The following PRDX1 variants were observed in gnomAD, a reference collection of about 807,000 sequenced individuals.
PRDX1 encodes peroxiredoxin 1, also known as peroxiredoxin-1.
A neutral mutation model predicts 20.7 loss-of-function variants in PRDX1; 19 were observed. The ratio of observed to expected loss-of-function variants is 0.92; its 90% CI spans 0.64 to 1.35. The LOEUF is 1.35. Ranked by LOEUF, PRDX1 falls within the 40% of genes most tolerant of loss-of-function variation. The pLI is 0.00. For missense variants in PRDX1, 226 were observed against 240.0 expected (o/e 0.94, Z 0.38); for synonymous variants, 89 against 83.9 (o/e 1.06, Z -0.33).
In PRDX1 at chr1:45,511,256, GA is replaced by G. The variant is rs878921294; in HGVS notation, c.*72del. 4.2e-3 allele frequency: 4,854 copies of G among 1,163,454 alleles called. No homozygotes were observed. Among genetic ancestry groups the G allele is most frequent in the South Asian group, 6.8e-3 (423 of 62,540 alleles). 72.1% of individuals were successfully genotyped at this position (1,163,454 alleles called of 1,614,324 possible). A position where few individuals can be genotyped will look rare whatever the true frequency, so the allele number is the denominator to read the frequency against. Reference sequence around the variant, plus strand: ...TCTGAAGTCTTGTGTTTTACTAATGGAAAAAAAAAATACAGAAGAGGTTTTG... The same window carrying G: ...TCTGAAGTCTTGTGTTTTACTAATGGAAAAAAAAATACAGAAGAGGTTTTG... On this transcript the variant is annotated 3_prime_UTR_variant, in exon 6 of 6. Transcript: ENST00000319248.
intron 5 of PRDX1, 129 bp from the exon 6 acceptor site, chr1:45,511,543 G>T: frequency 1.6e-6 from 1 of 613,204 alleles, no homozygotes. Flanking sequence ...ATCAGTCTTA[G>T]ATCATTCACC....
At chr1:45,518,140 G>A (rs1643877015) in intron 2 of PRDX1, among the ~76,000 whole-genome samples, 1 of 152,110 alleles carries the variant, frequency 6.6e-6, no homozygotes, top group African/African-American at 2.4e-5. Context: ...AGACCAGCCT[G>A]GGCAACATGG....
Position 45,511,202 on chromosome 1 carries a change from G to T in PRDX1, c.*127C>A. 1 of 811,418 alleles carries T rather than the reference G, an allele frequency of 1.2e-6. No homozygotes were observed. Among genetic ancestry groups the T allele is most frequent in the Non-Finnish European group, 1.9e-6 (1 of 512,820 alleles). 50.3% of individuals were successfully genotyped at this position (811,418 alleles called of 1,614,324 possible). ...TCTCCACCCCCTGTAGGAAAGGCCT[G>T]CCTTGTAAGACACCACAATTCGGCT... On this transcript the variant is annotated 3_prime_UTR_variant, in exon 6 of 6. Coordinates refer to ENST00000319248, the MANE Select transcript of PRDX1 (RefSeq NM_181697.3).
chr1:45,516,969 T>C (rs1643867259), intron 2 of PRDX1, among the ~76,000 whole-genome samples: 1 of 145,642 alleles, frequency 6.9e-6, no homozygotes, highest in Non-Finnish European at 1.5e-5. Flanking sequence ...CGCAGTGACC[T>C]GAGATCATGC....
At chr1:45,514,432 A>G in intron 5 of PRDX1, 75 bp downstream of exon 5, 1 of 1,541,716 alleles carries the variant, frequency 6.5e-7, no homozygotes, top group East Asian at 2.3e-5. Flanking sequence ...AACGAGAAAC[A>G]CCCACAGGTG....
At chr1:45,521,961 G>A (rs1643918924), upstream of PRDX1, 1 of 152,334 alleles carries the variant, frequency 6.6e-6, no homozygotes. Flanking sequence ...GGTGCCGGAG[G>A]AGGAGAGAGA....
At chr1:45,513,910 G>T (rs1317678286) in intron 5 of PRDX1, among the ~76,000 whole-genome samples, 1 of 152,008 alleles carries the variant, frequency 6.6e-6, no homozygotes, top group African/African-American at 2.4e-5. Context: ...ACCTGACCGG[G>T]GTCCCCCAGC....
chr1:45,511,790 G>C (rs1305277729), intron 5 of PRDX1: 1 of 157,484 alleles, frequency 6.3e-6, no homozygotes, highest in Non-Finnish European at 1.4e-5. Flanking sequence ...GCCCTTCAGA[G>C]CTCTGAAGAC....
At chr1:45,516,758 C>G (rs1220204960) in intron 2 of PRDX1, among the ~76,000 whole-genome samples, 1 of 151,984 alleles carries the variant, frequency 6.6e-6, no homozygotes, top group Non-Finnish European at 1.5e-5. Flanking sequence ...GTCTGTAATC[C>G]CAGCAGTTTG....
intron 2 of PRDX1, among the ~76,000 whole-genome samples, chr1:45,517,597 T>C (rs1160240116): frequency 1.3e-5 from 2 of 151,928 alleles, no homozygotes; most frequent in East Asian, 3.9e-4. Context: ...CTGGCAAACA[T>C]GGTGAAACCC....
intron 1 of PRDX1, among the ~76,000 whole-genome samples, chr1:45,519,915 G>A (rs1643892859): frequency 6.6e-6 from 1 of 152,116 alleles, no homozygotes; most frequent in Non-Finnish European, 1.5e-5. Context: ...CAACTTTTAA[G>A]AGGCAAGACC....
At chr1:45,518,877 C>A (rs1262966000) in intron 2 of PRDX1, 61 bp downstream of exon 2, 3 of 1,396,620 alleles carry the variant, frequency 2.1e-6, no homozygotes, top group East Asian at 2.3e-5. Flanking sequence ...ACAAATCTAA[C>A]AAGCCACCCC....
At chr1:45,520,790 G>A (rs959296204) in intron 1 of PRDX1, among the ~76,000 whole-genome samples, 25 of 148,632 alleles carry the variant, frequency 1.7e-4, no homozygotes, top group Non-Finnish European at 2.2e-4. Context: ...TGTAATCCCA[G>A]CTACTCCTAA....
At chr1:45,514,827 A>G (rs768230825) in intron 4 of PRDX1, 46 bp downstream of exon 4, 1 of 1,611,718 alleles carries the variant, frequency 6.2e-7, no homozygotes, top group Non-Finnish European at 8.5e-7. Context: ...AGATCTCTCC[A>G]AATAAAAGGC....
In PRDX1 at chr1:45,519,987, A is replaced by C. The variant is rs191424884; in HGVS notation, c.-11-933T>G. Among the ~76,000 whole-genome samples the C allele has an allele frequency of 7.2e-5, 11 of 152,190 alleles. No homozygotes were observed. The East Asian group carries it at 2.1e-3, about 30-fold the overall frequency. On this transcript the variant is annotated intron_variant, in intron 1 of 5. Coordinates refer to ENST00000319248, the MANE Select transcript of PRDX1 (RefSeq NM_181697.3). ...TTTGAGAGGCTCAGGCGGGCGGATCACCGGGTCAGGAGTTCGAGACCAGTC... is the reference window on the plus strand; with the variant it reads ...TTTGAGAGGCTCAGGCGGGCGGATCCCCGGGTCAGGAGTTCGAGACCAGTC...
At chr1:45,514,080 G>A (rs1198251414) in intron 5 of PRDX1, among the ~76,000 whole-genome samples, 3 of 152,196 alleles carry the variant, frequency 2.0e-5, no homozygotes, top group Non-Finnish European at 2.9e-5. Context: ...GGGGAAAACC[G>A]CCTCAGGGGT....
In PRDX1 at chr1:45,511,226, C is replaced by A; in HGVS notation, c.*103G>T. ...TGCCTTGTAAGACACCACAATTCGG[C>A]TGAATCTGAAGTCTTGTGTTTTACT... On this transcript the variant is annotated 3_prime_UTR_variant, in exon 6 of 6. Coordinates refer to ENST00000319248, the MANE Select transcript of PRDX1 (RefSeq NM_181697.3). 1 of 999,120 alleles carries A rather than the reference C, an allele frequency of 1.0e-6. No individual in the cohort carries two copies. Among genetic ancestry groups the A allele is most frequent in the Non-Finnish European group, 1.5e-6 (1 of 675,246 alleles). 61.9% of individuals were successfully genotyped at this position (999,120 alleles called of 1,614,324 possible).
chr1:45,518,860 C>T (rs981598921), intron 2 of PRDX1, 78 bp downstream of exon 2: 15 of 1,263,824 alleles, frequency 1.2e-5, no homozygotes, highest in Non-Finnish European at 1.7e-5. Flanking sequence ...AGTCAAACAA[C>T]ATTGACACAA....
chr1:45,522,022 C>CG (rs1441906028), upstream of PRDX1: 2 of 152,336 alleles, frequency 1.3e-5, no homozygotes, highest in Non-Finnish European at 2.9e-5. Flanking sequence ...CGGAATGACT[C>CG]GGCGCTTTCC....
Sources: gnomAD v4.1 joint callset for allele counts (sites outside exome capture counted in the v4.1 genomes callset) on GRCh38, gnomAD v4.1.1 for gene constraint, MANE v1.5 for transcripts, NCBI Gene and HGNC (gene_info 2026-07-23, HGNC 2026-07-21) for gene names.